ADD1: variants seen among roughly 807,000 people sequenced by gnomAD.
ADD1 encodes the protein adducin 1, also known as alpha-adducin.
Under a neutral mutation model 80.5 loss-of-function variants are expected in ADD1, and 24 were observed. The ratio of observed to expected loss-of-function variants is 0.30; its 90% CI spans 0.22 to 0.42. The LOEUF (loss-of-function observed/expected upper bound fraction) is 0.42, where lower values mean the gene tolerates loss of function less well. Ranked by LOEUF, ADD1 falls within the 10% of genes least tolerant of loss-of-function variation. The pLI is 1.00. For synonymous variants in ADD1, 373 were observed against 393.8 expected (o/e 0.95, Z 0.63); for missense variants, 948 against 1,019.0 (o/e 0.93, Z 0.95).
At chr4:2,866,625 GTGC>G (rs1729597931) in intron 1 of ADD1, among the ~76,000 whole-genome samples, 1 of 152,136 alleles carries the variant, frequency 6.6e-6, no homozygotes, top group Admixed American at 6.5e-5. Context: ...TGGGGAGATG[GTGC>G]TGAACTACAC....
rs565573926 is a variant in ADD1, at chr4:2,881,335, T to TC, written c.196-561dup. 2.1e-3 allele frequency among the ~76,000 whole-genome samples: 323 copies of TC among 152,280 alleles called. 4 individuals are homozygous for TC. Among genetic ancestry groups the TC allele is most frequent in the Admixed American group, 5.2e-3 (79 of 15,290 alleles). ...CTCAGGTGATCCACCTGCCTTCGCC[T>TC]CCTAAAGTGCTGGGATTCCAGGCAT... On this transcript the variant is annotated intron_variant, in intron 2 of 15. Transcript: ENST00000683351.
intron 14 of ADD1, among the ~76,000 whole-genome samples, chr4:2,922,030 T>C (rs1740137569): frequency 6.6e-6 from 1 of 151,996 alleles, no homozygotes; most frequent in Admixed American, 6.6e-5. Context: ...AGTTGGCAAT[T>C]CCTCTAATCT....
At chr4:2,852,321 T>C (rs1727397005) in intron 1 of ADD1, among the ~76,000 whole-genome samples, 1 of 144,926 alleles carries the variant, frequency 6.9e-6, no homozygotes, top group African/African-American at 2.6e-5. Context: ...TTTTCTTTTC[T>C]TTTCTTTCTT....
chr4:2,915,168 CT>C, intron 14 of ADD1, 128 bp downstream of exon 14: 1 of 1,067,898 alleles, frequency 9.4e-7, no homozygotes, highest in Non-Finnish European at 1.3e-6. Context: ...CAAACCAGAA[CT>C]TTATCCAGTA....
chr4:2,923,178 T>C (rs1383073357), intron 14 of ADD1, among the ~76,000 whole-genome samples: 1 of 152,166 alleles, frequency 6.6e-6, no homozygotes, highest in African/African-American at 2.4e-5. Flanking sequence ...CAGGCGCCAC[T>C]GGGGTATCAG....
Position 2,847,773 on chromosome 4 carries a change from G to A in ADD1, c.-21+3749G>A, listed in dbSNP as rs147437398. Among the ~76,000 whole-genome samples the A allele has an allele frequency of 1.1e-3, 167 of 152,268 alleles. 1 individual carries two copies. Among genetic ancestry groups the A allele is most frequent in the Admixed American group, 3.7e-3 (56 of 15,286 alleles). ...TACATTGGTTCAGTCCAGAACGGCGGGGACAGCTTGAAGCAGGGAGGGAGC... is the reference window on the plus strand; with the variant it reads ...TACATTGGTTCAGTCCAGAACGGCGAGGACAGCTTGAAGCAGGGAGGGAGC... On this transcript the variant is annotated intron_variant, in intron 1 of 15. Coordinates refer to ENST00000683351, the MANE Select transcript of ADD1 (RefSeq NM_001354761.2).
rs1455781073 is a variant in ADD1, at chr4:2,881,423, G to C, written c.196-475G>C. ...TTTTTCTATGTTTAGGTATGTATTT[G>C]CTGTAATAAGGACTGGTTATACTGC... On this transcript the variant is annotated intron_variant, in intron 2 of 15. Transcript: ENST00000683351. Among the ~76,000 whole-genome samples, 2 of 152,090 alleles carry C rather than the reference G, an allele frequency of 1.3e-5. 1 individual carries two copies. Among genetic ancestry groups the C allele is most frequent in the Non-Finnish European group, 2.9e-5 (2 of 68,028 alleles).
chr4:2,846,823 A>AG (rs1183199646), intron 1 of ADD1, among the ~76,000 whole-genome samples: 1 of 151,468 alleles, frequency 6.6e-6, no homozygotes, highest in African/African-American at 2.4e-5. Context: ...CTTTAAAAAA[A>AG]AAAAAAAAAA....
intron 4 of ADD1, among the ~76,000 whole-genome samples, chr4:2,890,531 C>T (rs940578950): frequency 4.6e-5 from 7 of 152,036 alleles, no homozygotes; most frequent in African/African-American, 1.4e-4. Context: ...CTCAACCTCC[C>T]GAGTAGCTGG....
rs1299164029 is a variant in ADD1, at chr4:2,882,064, A to G, written c.358+4A>G. 1 of 1,585,704 alleles carries G rather than the reference A, an allele frequency of 6.3e-7. No individual in the cohort carries two copies. Among genetic ancestry groups the G allele is most frequent in the Non-Finnish European group, 8.5e-7 (1 of 1,171,390 alleles). On this transcript the variant is annotated splice_donor_region_variant and intron_variant, in intron 3 of 15. Transcript: ENST00000683351. The stretch of plus-strand genomic sequence containing the variant: ...GGGATGGCTGCCTTAAACATGAGTG[A>G]GTAGTTCCTGATTTTTAATATATGT...
chr4:2,875,297 G>A (rs558190351), intron 1 of ADD1, among the ~76,000 whole-genome samples: 1 of 152,086 alleles, frequency 6.6e-6, no homozygotes, highest in East Asian at 1.9e-4. Flanking sequence ...AGCCATCTTG[G>A]CATGTTAGGT....
chr4:2,902,248 A>G (rs1436356274), intron 9 of ADD1: 2 of 152,218 alleles, frequency 1.3e-5, no homozygotes, highest in Non-Finnish European at 2.9e-5. Flanking sequence ...TCTTTAAGCA[A>G]AAGGAAACTT....
intron 14 of ADD1, among the ~76,000 whole-genome samples, chr4:2,915,383 A>G (rs1202579126): frequency 2.0e-5 from 3 of 152,182 alleles, no homozygotes; most frequent in Admixed American, 2.0e-4. Context: ...GCTCACGCCT[A>G]TAATCCCAGC....
chr4:2,874,785 T>C (rs1019712546), intron 1 of ADD1, among the ~76,000 whole-genome samples: 1 of 152,160 alleles, frequency 6.6e-6, no homozygotes, highest in Non-Finnish European at 1.5e-5. Flanking sequence ...AACTCTACTT[T>C]ATAGGCTTGT....
chr4:2,925,956 T>G (rs1577755808), intron 14 of ADD1, 58 bp from the exon 15 acceptor site: 2 of 1,506,946 alleles, frequency 1.3e-6, no homozygotes, highest in Non-Finnish European at 9.2e-7. Context: ...TGGAGGCAGG[T>G]ACAGGCTCAT....
intron 2 of ADD1, among the ~76,000 whole-genome samples, chr4:2,876,798 C>G (rs975137284): frequency 3.3e-5 from 5 of 149,578 alleles, no homozygotes; most frequent in Non-Finnish European, 7.4e-5. Flanking sequence ...GAGATCATGC[C>G]ACTGCACTTC....
intron 11 of ADD1, among the ~76,000 whole-genome samples, chr4:2,908,150 G>A (rs1391262331): frequency 1.3e-5 from 2 of 152,250 alleles, no homozygotes; most frequent in African/African-American, 2.4e-5. Context: ...TTCAGGGTTC[G>A]TTCAAAGACT....
chr4:2,858,294 G>C (rs1728362467), intron 1 of ADD1, among the ~76,000 whole-genome samples: 1 of 152,198 alleles, frequency 6.6e-6, no homozygotes, highest in Non-Finnish European at 1.5e-5. Context: ...ACCACTTACT[G>C]TTTACTATGT....
At chr4:2,898,812 C>T in intron 8 of ADD1, 2 of 451,470 alleles carry the variant, frequency 4.4e-6, no homozygotes, top group Non-Finnish European at 8.1e-6. Context: ...GCATCAGGTG[C>T]TTAGTGTGTG....
Sources: allele counts gnomAD v4.1 joint callset (sites outside exome capture counted in the v4.1 genomes callset), GRCh38; gene constraint gnomAD v4.1.1; transcripts MANE v1.5; gene names NCBI Gene and HGNC (gene_info 2026-07-23, HGNC 2026-07-21).